Variants in AMY1B observed in about 807,000 individuals in gnomAD.
AMY1B encodes alpha-amylase 1B.
AMY1B carries 1 observed loss-of-function variant against 5.5 expected under a neutral mutation model. That is an observed-to-expected ratio of 0.18 (90% confidence interval 0.06 to 0.86). The LOEUF is 0.86. Ranked by LOEUF, AMY1B falls within the 40% of genes least tolerant of loss-of-function variation. The pLI is 0.69. For synonymous variants in AMY1B, 1 was observed against 13.2 expected, an observed-to-expected ratio of 0.08 and a Z score of 2.01; for missense variants, 1 against 43.7, an observed-to-expected ratio of 0.02 and a Z score of 2.76.
At chr1:103,691,449 A>C (rs1219512893) in intron 7 of AMY1B, 39 bp downstream of exon 7, 1 of 856,130 alleles carries the variant, frequency 1.2e-6, no homozygotes, top group Non-Finnish European at 1.6e-6. Context: ...TACCATCATT[A>C]AAAGAGGTGT....
chr1:103,691,747 GAT>G (rs766442615), intron 6 of AMY1B, 137 bp from the exon 7 acceptor site: 416 of 157,860 alleles, frequency 2.6e-3, no homozygotes, highest in Middle Eastern at 4.5e-3. Flanking sequence ...TACTCTGTAA[GAT>G]ATATATATAT....
Sources: gnomAD v4.1 joint callset for allele counts on GRCh38, gnomAD v4.1.1 for gene constraint, MANE v1.5 for transcripts, NCBI Gene and HGNC (gene_info 2026-07-23, HGNC 2026-07-21) for gene names.